The following SDK1 variants were observed in gnomAD, a reference collection of about 807,000 sequenced individuals.
SDK1 encodes the protein protein sidekick-1.
A neutral mutation model predicts 245.5 loss-of-function variants in SDK1; 157 were observed. The ratio of observed to expected loss-of-function variants is 0.64; its 90% CI spans 0.56 to 0.73. The LOEUF is 0.73. SDK1 is among the 30% of genes least tolerant of loss of function. The pLI, the probability that SDK1 is intolerant of heterozygous loss-of-function variation, is 0.00. For missense variants in SDK1, 3,583 were observed against 3,002.3 expected, an observed-to-expected ratio of 1.19 and a Z score of -4.52; for synonymous variants, 1,647 against 1,278.5, an observed-to-expected ratio of 1.29 and a Z score of -6.15.
chr7:4,000,971 G>A (rs550154797), intron 14 of SDK1, among the ~76,000 whole-genome samples: 16 of 152,280 alleles, frequency 1.1e-4, no homozygotes, highest in South Asian at 1.0e-3. Flanking sequence ...CTGCTTCTGC[G>A]TTCACTTCCT....
intron 5 of SDK1, among the ~76,000 whole-genome samples, chr7:3,930,636 C>CA (rs1779944708): frequency 6.6e-6 from 1 of 151,908 alleles, no homozygotes; most frequent in Non-Finnish European, 1.5e-5. Flanking sequence ...GGACAAAATA[C>CA]AAAAAAATTA....
At chr7:4,251,043 T>A (rs1305198269) in intron 44 of SDK1, among the ~76,000 whole-genome samples, 1 of 152,228 alleles carries the variant, frequency 6.6e-6, no homozygotes, top group Non-Finnish European at 1.5e-5. Flanking sequence ...TGTGGTTTTG[T>A]GATTGGCTTA....
intron 16 of SDK1, among the ~76,000 whole-genome samples, chr7:4,014,028 C>T (rs370113824): frequency 6.6e-6 from 1 of 152,370 alleles, no homozygotes; most frequent in Non-Finnish European, 1.5e-5. Flanking sequence ...CTTGCCCCTG[C>T]CTTAGCCATT....
intron 1 of SDK1, among the ~76,000 whole-genome samples, chr7:3,403,869 A>ATT (rs1554266408): frequency 4.5e-5 from 4 of 88,900 alleles, no homozygotes; most frequent in Non-Finnish European, 9.0e-5. Context: ...ATATATATAT[A>ATT]ATATATATAT....
chr7:3,810,119 G>C (rs1219930854), intron 4 of SDK1, among the ~76,000 whole-genome samples: 3 of 152,174 alleles, frequency 2.0e-5, no homozygotes, highest in Admixed American at 2.0e-4. Flanking sequence ...ATTGACTGCT[G>C]TTTGCAGAGT....
intron 18 of SDK1, among the ~76,000 whole-genome samples, chr7:4,050,981 CTATA>C (rs201856493): frequency 7.2e-6 from 1 of 138,168 alleles, no homozygotes; most frequent in Non-Finnish European, 1.5e-5. Context: ...TATATATATG[CTATA>C]TATGTTATAT....
intron 1 of SDK1, among the ~76,000 whole-genome samples, chr7:3,489,219 C>T (rs1161500213): frequency 6.6e-6 from 1 of 152,114 alleles, no homozygotes; most frequent in Non-Finnish European, 1.5e-5. Context: ...AGGCAGGCAC[C>T]AGTAGTATCA....
At chr7:4,120,790 A>G (rs1784007721) in intron 25 of SDK1, among the ~76,000 whole-genome samples, 1 of 151,938 alleles carries the variant, frequency 6.6e-6, no homozygotes, top group African/African-American at 2.4e-5. Context: ...CTAATTTTGT[A>G]TTTTTAGTAG....
At chr7:4,063,648 C>T (rs1779688726) in intron 19 of SDK1, among the ~76,000 whole-genome samples, 1 of 148,758 alleles carries the variant, frequency 6.7e-6, no homozygotes, top group African/African-American at 2.5e-5. Context: ...CCAAAAAGAG[C>T]CCAAATAGCC....
intron 1 of SDK1, among the ~76,000 whole-genome samples, chr7:3,613,327 C>T (rs1185661030): frequency 1.3e-5 from 2 of 152,124 alleles, no homozygotes; most frequent in East Asian, 1.9e-4. Flanking sequence ...AGATTATTCT[C>T]ACATTGGAGA....
At position 4,026,098 on chromosome 7, in the gene SDK1, G is replaced by T. The variant is rs778596642; in HGVS notation, c.2602+8746G>T. Among the ~76,000 whole-genome samples, 4 of 152,238 alleles carry T rather than the reference G, an allele frequency of 2.6e-5. No individual in the cohort carries two copies. The highest frequency in any genetic ancestry group is 7.2e-5 in the African/African-American group (3 of 41,466). On this transcript the variant is annotated intron_variant, in intron 17 of 44. Transcript: ENST00000404826. The surrounding 1 kb of genome is among the most constrained non-coding windows in gnomAD (Gnocchi z 4.1). ...CTCAGCACCCTGGACACGCCAGGCC[G>T]CAGCGCTGGTCTTCCACAGTCCCCA...
At chr7:3,921,982 G>C (rs1219777728) in intron 5 of SDK1, among the ~76,000 whole-genome samples, 1 of 151,988 alleles carries the variant, frequency 6.6e-6, no homozygotes, top group Non-Finnish European at 1.5e-5. Flanking sequence ...AAGTAAATAA[G>C]CAATGAAGCT....
chr7:3,542,126 C>G (rs1475295981), intron 1 of SDK1, among the ~76,000 whole-genome samples: 3 of 152,156 alleles, frequency 2.0e-5, no homozygotes, highest in African/African-American at 7.2e-5. Flanking sequence ...GATAAGTCAT[C>G]AGCGGCAAAC....
At chr7:3,525,169 T>A (rs2128616028) in intron 1 of SDK1, among the ~76,000 whole-genome samples, 1 of 152,190 alleles carries the variant, frequency 6.6e-6, no homozygotes, top group Middle Eastern at 3.4e-3. Flanking sequence ...TATCTGGGAC[T>A]TGAGCATCTG....
intron 17 of SDK1, among the ~76,000 whole-genome samples, chr7:4,019,460 A>T (rs74391104): frequency 6.6e-6 from 1 of 152,180 alleles, no homozygotes; most frequent in Non-Finnish European, 1.5e-5. Context: ...AGATAGTGGC[A>T]CAGTGGGTGG....
At chr7:3,871,546 G>A (rs953274326) in intron 5 of SDK1, among the ~76,000 whole-genome samples, 4 of 152,220 alleles carry the variant, frequency 2.6e-5, no homozygotes, top group African/African-American at 9.6e-5. Flanking sequence ...GGCTGTGCAG[G>A]AAGCACGGTG....
chr7:4,243,254 C>T lies in SDK1; in HGVS notation c.6251+1341C>T, dbSNP rs1309063185. ...TCGTTCAGTTTGTTAAGTCCATCTG[C>T]TTCCTAGGAAAGAGAAACATCATTT... On this transcript the variant is annotated intron_variant, in intron 43 of 44. Transcript: ENST00000404826. Among the ~76,000 whole-genome samples, 5 of 152,180 alleles carry T rather than the reference C, an allele frequency of 3.3e-5. No homozygotes were observed. In the East Asian group the frequency reaches 5.8e-4, roughly 18 times the overall value.
chr7:3,717,669 GA>G (rs1280367584), intron 4 of SDK1, among the ~76,000 whole-genome samples: 1 of 152,188 alleles, frequency 6.6e-6, no homozygotes, highest in Non-Finnish European at 1.5e-5. Flanking sequence ...TGAAAACTTA[GA>G]TTAGCTGGAC....
intron 1 of SDK1, among the ~76,000 whole-genome samples, chr7:3,491,148 C>A (rs1029312512): frequency 1.3e-5 from 2 of 152,160 alleles, no homozygotes; most frequent in Non-Finnish European, 2.9e-5. Flanking sequence ...AGCATATGCT[C>A]ATGGAATTTG....
Sources: allele counts gnomAD v4.1 joint callset (sites outside exome capture counted in the v4.1 genomes callset), GRCh38; gene constraint gnomAD v4.1.1; non-coding constraint Gnocchi (gnomAD v3.1); transcripts MANE v1.5; gene names NCBI Gene and HGNC (gene_info 2026-07-23, HGNC 2026-07-21).